Variants in ME3 observed in about 807,000 individuals in gnomAD.
The protein encoded by ME3 is NADP-dependent malic enzyme, mitochondrial.
In ME3, 48 loss-of-function variants were observed where a neutral mutation model predicts 68.9. The ratio of observed to expected loss-of-function variants is 0.70; its 90% confidence interval spans 0.55 to 0.89. The LOEUF is 0.89. Ranked by LOEUF, ME3 falls within the 40% of genes least tolerant of loss-of-function variation. The pLI, the probability that ME3 is intolerant of heterozygous loss-of-function variation, is 0.00. For synonymous variants in ME3, 320 were observed against 318.8 expected (o/e 1.00, Z -0.04); for missense variants, 675 against 797.4 (o/e 0.85, Z 1.85).
At chr11:86,448,830 A>G (rs1394875578) in intron 10 of ME3, among the ~76,000 whole-genome samples, 1 of 152,230 alleles carries the variant, frequency 6.6e-6, no homozygotes, top group Non-Finnish European at 1.5e-5. Flanking sequence ...AAATGGGTTC[A>G]GATGCTTTTG....
At chr11:86,485,114 T>C (rs1951612592) in intron 7 of ME3, among the ~76,000 whole-genome samples, 1 of 152,236 alleles carries the variant, frequency 6.6e-6, no homozygotes, top group African/African-American at 2.4e-5. Context: ...CCCTGATTTA[T>C]TTTGAGCTGA....
chr11:86,467,650 GTC>G (rs1425781661), intron 7 of ME3, among the ~76,000 whole-genome samples: 2 of 123,680 alleles, frequency 1.6e-5, no homozygotes, highest in Admixed American at 8.5e-5. Context: ...CTGTGTGTCT[GTC>G]TCTCTCTGTT....
At chr11:86,628,428 T>C (rs140692929) in intron 2 of ME3, among the ~76,000 whole-genome samples, 13 of 152,362 alleles carry the variant, frequency 8.5e-5, no homozygotes, top group African/African-American at 3.1e-4. Flanking sequence ...TTTGGCTGCA[T>C]ATTCGTGTTA....
In ME3 at chr11:86,596,905, C is replaced by A. The variant is rs112113986; in HGVS notation, c.184-37082G>T. 5.4e-3 allele frequency among the ~76,000 whole-genome samples: 817 copies of A among 152,204 alleles called. 3 individuals carry two copies. Among genetic ancestry groups the A allele is most frequent in the African/African-American group, 0.018 (763 of 41,526 alleles). ...GGTCATAGATGATGATGGGATGGGC[C>A]AAACCAAAGTGGACCAGGTTGTGGA... On this transcript the variant is annotated intron_variant, in intron 2 of 14. Transcript: ENST00000543262.
chr11:86,619,913 A>G (rs1943237805), intron 2 of ME3, among the ~76,000 whole-genome samples: 1 of 152,310 alleles, frequency 6.6e-6, no homozygotes, highest in Admixed American at 6.5e-5. Context: ...TGTTCTTCCA[A>G]CTATGGGATT....
At chr11:86,568,217 T>C (rs1957594227) in intron 2 of ME3, among the ~76,000 whole-genome samples, 1 of 152,166 alleles carries the variant, frequency 6.6e-6, no homozygotes, top group Non-Finnish European at 1.5e-5. Context: ...CTGACTATTG[T>C]TACTAGTTTT....
At chr11:86,643,228 T>C (rs1944779886) in intron 2 of ME3, among the ~76,000 whole-genome samples, 1 of 152,126 alleles carries the variant, frequency 6.6e-6, no homozygotes, top group African/African-American at 2.4e-5. Flanking sequence ...CTGTCTAAAG[T>C]TCAAATCCTA....
chr11:86,520,979 A>G (rs954506673), intron 4 of ME3, among the ~76,000 whole-genome samples: 49 of 152,240 alleles, frequency 3.2e-4, no homozygotes, highest in Admixed American at 3.1e-3. Flanking sequence ...CAAGGCACGC[A>G]GTTATCTGTG....
At chr11:86,648,209 G>T (rs762998809) in intron 2 of ME3, among the ~76,000 whole-genome samples, 21 of 152,126 alleles carry the variant, frequency 1.4e-4, no homozygotes, top group Admixed American at 3.3e-4. Context: ...TTTGAAACCA[G>T]TGAGAACAAA....
chr11:86,555,434 T>C (rs1319248306), intron 4 of ME3, among the ~76,000 whole-genome samples: 1 of 152,202 alleles, frequency 6.6e-6, no homozygotes, highest in East Asian at 1.9e-4. Context: ...AGGAGTCTCC[T>C]TCCTGTTGCA....
chr11:86,445,956 C>T (rs1949262066), intron 13 of ME3, among the ~76,000 whole-genome samples: 1 of 152,130 alleles, frequency 6.6e-6, no homozygotes, highest in Non-Finnish European at 1.5e-5. Context: ...AATCCATCAC[C>T]TATCATGGTC....
chr11:86,485,612 C>T (rs1951638843), intron 7 of ME3, among the ~76,000 whole-genome samples: 1 of 152,190 alleles, frequency 6.6e-6, no homozygotes, highest in Admixed American at 6.5e-5. Flanking sequence ...TTCTAAACCT[C>T]ACCAGGACTT....
intron 2 of ME3, among the ~76,000 whole-genome samples, chr11:86,644,170 GCT>G (rs1944852163): frequency 6.6e-6 from 1 of 152,126 alleles, no homozygotes; most frequent in South Asian, 2.1e-4. Context: ...AGCCCCGGTT[GCT>G]CTACCTTCTA....
At chr11:86,658,463 C>A (rs948661407) in intron 2 of ME3, among the ~76,000 whole-genome samples, 3 of 151,886 alleles carry the variant, frequency 2.0e-5, no homozygotes, top group Admixed American at 1.3e-4. Context: ...ATGTAACACA[C>A]CTGTAAGAGT....
At chr11:86,559,900 C>A in intron 2 of ME3, 77 bp from the exon 3 acceptor site, 1 of 1,500,622 alleles carries the variant, frequency 6.7e-7, no homozygotes, top group Non-Finnish European at 9.0e-7. Flanking sequence ...GTCCCACCCA[C>A]AGATAGGTAA....
At chr11:86,439,236 G>A (rs1350319880), downstream of ME3, among the ~76,000 whole-genome samples, 2 of 152,104 alleles carry the variant, frequency 1.3e-5, no homozygotes, top group Admixed American at 6.5e-5. Context: ...AAAATTAACC[G>A]TGACAACATT....
In ME3 at chr11:86,447,229, T is replaced by G. The variant is rs752460530; in HGVS notation, c.1238-22A>C. ...ACACCTACAGGGAAAAGGCGGGTAG[T>G]GGGGATGCCTGCTCTCTATAAACAA... On this transcript the variant is annotated intron_variant, in intron 11 of 14. Transcript: ENST00000543262. The G allele has an allele frequency of 3.1e-6, 5 of 1,611,728 alleles. No homozygotes were observed. In the African/African-American group the frequency reaches 6.7e-5, roughly 22 times the overall value.
intron 2 of ME3, among the ~76,000 whole-genome samples, chr11:86,621,496 A>C (rs1943347528): frequency 6.6e-6 from 1 of 152,118 alleles, no homozygotes; most frequent in Non-Finnish European, 1.5e-5. Flanking sequence ...TCAGGCCAGG[A>C]CTGGTTCCAT....
intron 8 of ME3, chr11:86,457,562 G>T (rs1950007099): frequency 2.6e-6 from 3 of 1,163,008 alleles, no homozygotes; most frequent in African/African-American, 1.6e-5. Context: ...ACAAAATTTG[G>T]CAAATAAAGT....
Sources: gnomAD v4.1 joint callset for allele counts (sites outside exome capture counted in the v4.1 genomes callset) on GRCh38, gnomAD v4.1.1 for gene constraint, MANE v1.5 for transcripts, NCBI Gene and HGNC (gene_info 2026-07-23, HGNC 2026-07-21) for gene names.